Variants in GOLPH3 observed in about 807,000 individuals in gnomAD.
GOLPH3 encodes the protein coat protein GPP34.
In GOLPH3, 14 loss-of-function variants were observed where a neutral mutation model predicts 28.5. That is an observed-to-expected ratio of 0.49 (90% CI 0.32 to 0.77). GOLPH3 has a LOEUF of 0.77. Ranked by LOEUF, GOLPH3 falls within the 30% of genes least tolerant of loss-of-function variation. GOLPH3 has a pLI of 0.03. For synonymous variants in GOLPH3, 158 were observed against 159.2 expected (o/e 0.99, Z 0.06); for missense variants, 350 against 393.7 (o/e 0.89, Z 0.94).
At chr5:32,159,709 T>C (rs1746533385) in intron 1 of GOLPH3, among the ~76,000 whole-genome samples, 1 of 152,242 alleles carries the variant, frequency 6.6e-6, no homozygotes, top group South Asian at 2.1e-4. Context: ...GAGAATAACA[T>C]TTCAGTTTGC....
chr5:32,138,421 A>G (rs1165803195), intron 2 of GOLPH3, among the ~76,000 whole-genome samples: 1 of 152,162 alleles, frequency 6.6e-6, no homozygotes, highest in Admixed American at 6.5e-5. Context: ...GTTTTAGGGT[A>G]CATGTGTACA....
At chr5:32,146,009 T>TG (rs1158717901) in intron 1 of GOLPH3, among the ~76,000 whole-genome samples, 6 of 151,986 alleles carry the variant, frequency 3.9e-5, no homozygotes, top group African/African-American at 1.5e-4. Flanking sequence ...AACCATAGGG[T>TG]GGCCAGGCGC....
chr5:32,144,833 T>C (rs1746154765), intron 1 of GOLPH3, among the ~76,000 whole-genome samples: 1 of 152,208 alleles, frequency 6.6e-6, no homozygotes, highest in Non-Finnish European at 1.5e-5. Flanking sequence ...GTCAGGACAC[T>C]TTAACAGCAA....
At chr5:32,136,266 G>A (rs1316054469) in intron 2 of GOLPH3, among the ~76,000 whole-genome samples, 3 of 152,036 alleles carry the variant, frequency 2.0e-5, no homozygotes, top group African/African-American at 7.2e-5. Context: ...GATCACCTGA[G>A]GTCAGGAGTT....
At chr5:32,148,594 G>A (rs1015491573) in intron 1 of GOLPH3, among the ~76,000 whole-genome samples, 12 of 152,078 alleles carry the variant, frequency 7.9e-5, no homozygotes, top group South Asian at 2.1e-4. Context: ...TCAGGAGATC[G>A]AGACCATCCT....
intron 1 of GOLPH3, among the ~76,000 whole-genome samples, chr5:32,146,387 A>T (rs1301271380): frequency 1.3e-5 from 2 of 152,180 alleles, no homozygotes; most frequent in Non-Finnish European, 2.9e-5. Flanking sequence ...ATGTTCTAAA[A>T]TATAAGGATG....
In GOLPH3 at chr5:32,173,345, G is replaced by GA. The variant is rs375637675; in HGVS notation, c.225+464dup. On this transcript the variant is annotated intron_variant, in intron 1 of 3. Coordinates refer to ENST00000265070, the MANE Select transcript of GOLPH3 (RefSeq NM_022130.4). ...ACAGTAAGCTTTAACTGAAGAAGAA[G>GA]AAAAAAAAAACATCCCCAGCAAGCA... Among the ~76,000 whole-genome samples the GA allele has an allele frequency of 3.9e-3, 577 of 147,146 alleles. 1 individual carries two copies. Among genetic ancestry groups the GA allele is most frequent in the African/African-American group, 0.013 (538 of 40,162 alleles).
At chr5:32,160,458 G>A (rs1746547682) in intron 1 of GOLPH3, among the ~76,000 whole-genome samples, 1 of 152,264 alleles carries the variant, frequency 6.6e-6, no homozygotes, top group Middle Eastern at 3.4e-3. Flanking sequence ...AGGTGATAAA[G>A]ATGACTAATA....
At chr5:32,149,984 A>G (rs1440792273) in intron 1 of GOLPH3, among the ~76,000 whole-genome samples, 2 of 151,896 alleles carry the variant, frequency 1.3e-5, no homozygotes, top group African/African-American at 4.8e-5. Flanking sequence ...AAACTGTCTC[A>G]AGAAAAAAAA....
At chr5:32,147,639 A>C (rs1746207826) in intron 1 of GOLPH3, among the ~76,000 whole-genome samples, 2 of 152,104 alleles carry the variant, frequency 1.3e-5, no homozygotes, top group Non-Finnish European at 2.9e-5. Context: ...AGTAAAGGAA[A>C]ACTCGTGGCA....
chr5:32,144,783 G>T (rs908906772), intron 1 of GOLPH3, among the ~76,000 whole-genome samples: 3 of 152,176 alleles, frequency 2.0e-5, no homozygotes, highest in Non-Finnish European at 2.9e-5. Flanking sequence ...TAGACATCTA[G>T]AGATCTGGGA....
chr5:32,159,612 G>A (rs549849614), intron 1 of GOLPH3, among the ~76,000 whole-genome samples: 1 of 152,180 alleles, frequency 6.6e-6, no homozygotes, highest in Non-Finnish European at 1.5e-5. Context: ...GTTTTTTAAA[G>A]TATATTTAAC....
intron 1 of GOLPH3, among the ~76,000 whole-genome samples, chr5:32,169,164 C>G (rs926663215): frequency 2.6e-5 from 4 of 151,806 alleles, no homozygotes; most frequent in African/African-American, 7.3e-5. Flanking sequence ...TGCCTGTGGT[C>G]CTAGCTCCTC....
At chr5:32,127,089 C>T (rs943798919) in intron 3 of GOLPH3, among the ~76,000 whole-genome samples, 2 of 152,138 alleles carry the variant, frequency 1.3e-5, no homozygotes, top group Non-Finnish European at 2.9e-5. Flanking sequence ...GGTAGGAAAG[C>T]CTGTTTAGGC....
At chr5:32,135,523 G>A (rs370408906) in intron 3 of GOLPH3, 49 bp downstream of exon 3, 18 of 1,131,914 alleles carry the variant, frequency 1.6e-5, no homozygotes, top group Middle Eastern at 2.0e-4. Flanking sequence ...TTTAAACTTC[G>A]CAATCTTTTA....
chr5:32,141,675 C>A (rs1746063490), intron 2 of GOLPH3, among the ~76,000 whole-genome samples: 1 of 152,238 alleles, frequency 6.6e-6, no homozygotes, highest in African/African-American at 2.4e-5. Context: ...GGTACTGCTG[C>A]CATCTCGGCT....
intron 1 of GOLPH3, among the ~76,000 whole-genome samples, chr5:32,158,111 TAAATAAATAAATAAATAAA>T (rs1746483936): frequency 2.9e-5 from 3 of 104,134 alleles, no homozygotes; most frequent in African/African-American, 1.3e-4. Context: ...AATAAATAAA[TAAATAAATAAATAAATAAA>T]ATACACACAC....
Position 32,173,910 on chromosome 5 carries a change from C to T in GOLPH3, c.125G>A (p.Ser42Asn). 17 of 1,511,028 alleles carry T rather than the reference C, an allele frequency of 1.1e-5. No individual in the cohort carries two copies. Among genetic ancestry groups the T allele is most frequent in the Non-Finnish European group, 1.5e-5 (17 of 1,133,728 alleles). The allele number at this position is 1,511,028 out of a possible 1,614,324, so 93.6% of individuals were successfully genotyped here. A position where few individuals can be genotyped will look rare whatever the true frequency, so the allele number is the denominator to read the frequency against. The change falls in exon 1 of 4, where the codon AGC becomes AAC. Residue 42 changes from serine to asparagine, a missense_variant. Transcript: ENST00000265070. ...GAGSSEDDAQSRRDEQDDDDK... is the reference protein window; with the variant it reads ...GAGSSEDDAQNRRDEQDDDDK... ...GTCGTCGTCCTGCTCGTCGCGGCGGCTCTGCGCGTCGTCCTCGCTGCTGCC... is the reference window on the plus strand; with the variant it reads ...GTCGTCGTCCTGCTCGTCGCGGCGGTTCTGCGCGTCGTCCTCGCTGCTGCC...
intron 1 of GOLPH3, among the ~76,000 whole-genome samples, chr5:32,148,490 A>G (rs1448326852): frequency 2.6e-5 from 4 of 152,222 alleles, no homozygotes; most frequent in Admixed American, 6.5e-5. Flanking sequence ...TGTTTTGGAA[A>G]TGGCTTTCTA....
Sources: allele counts gnomAD v4.1 joint callset (sites outside exome capture counted in the v4.1 genomes callset), GRCh38; gene constraint gnomAD v4.1.1; transcripts MANE v1.5; gene names NCBI Gene and HGNC (gene_info 2026-07-23, HGNC 2026-07-21).